TMCC1: variants seen among roughly 807,000 people sequenced by gnomAD.
The protein encoded by TMCC1 is transmembrane and coiled-coil domain family 1, also known as transmembrane and coiled-coil domains protein 1.
Under a neutral mutation model 52.4 loss-of-function variants are expected in TMCC1, and 15 were observed. The observed-to-expected ratio is 0.29, with a 90% confidence interval of 0.19 to 0.44. The LOEUF is 0.44. TMCC1 is among the 20% of genes least tolerant of loss of function. TMCC1 has a pLI of 1.00. For missense variants in TMCC1, 503 were observed against 806.0 expected (o/e 0.62, Z 4.55); for synonymous variants, 279 against 301.9 (o/e 0.92, Z 0.79).
intron 4 of TMCC1, among the ~76,000 whole-genome samples, chr3:129,780,324 A>T (rs1342340710): frequency 6.6e-6 from 1 of 152,028 alleles, no homozygotes; most frequent in African/African-American, 2.4e-5. Flanking sequence ...TTAGATGATG[A>T]TCTCCAGGGT....
At chr3:129,804,980 C>G (rs1250706337) in intron 4 of TMCC1, among the ~76,000 whole-genome samples, 1 of 152,078 alleles carries the variant, frequency 6.6e-6, no homozygotes, top group African/African-American at 2.4e-5. Context: ...CATATAAAAT[C>G]ACCACTTTTG....
intron 4 of TMCC1, among the ~76,000 whole-genome samples, chr3:129,796,843 T>A (rs1490764672): frequency 6.6e-6 from 1 of 152,068 alleles, no homozygotes; most frequent in East Asian, 1.9e-4. Flanking sequence ...AAATAAAAAC[T>A]AAATAAAACA....
intron 4 of TMCC1, among the ~76,000 whole-genome samples, chr3:129,813,533 A>G (rs2057938602): frequency 1.3e-5 from 2 of 152,146 alleles, no homozygotes; most frequent in Admixed American, 1.3e-4. Flanking sequence ...ATCCTACACA[A>G]ACTAACACAG....
At chr3:129,720,181 C>CAAAAAAAAAAAAAAA (rs765678095) in intron 4 of TMCC1, among the ~76,000 whole-genome samples, 1 of 58,710 alleles carries the variant, frequency 1.7e-5, no homozygotes, top group African/African-American at 6.1e-5. Flanking sequence ...GACCCTGTCT[C>CAAAAAAAAAAAAAAA]AAAAAAAAAA....
intron 2 of TMCC1, among the ~76,000 whole-genome samples, chr3:129,836,047 A>G (rs1560516397): frequency 6.6e-6 from 1 of 152,332 alleles, no homozygotes; most frequent in East Asian, 1.9e-4. Context: ...AAAAAGTCAT[A>G]CTAACAAACT....
intron 1 of TMCC1, among the ~76,000 whole-genome samples, chr3:129,880,873 T>C (rs908503461): frequency 3.3e-5 from 5 of 151,656 alleles, no homozygotes; most frequent in Admixed American, 6.6e-5. Context: ...TCTTTTTTTT[T>C]TTTTTTTGAG....
intron 1 of TMCC1, among the ~76,000 whole-genome samples, chr3:129,884,049 C>T (rs138900837): frequency 6.6e-6 from 1 of 152,064 alleles, no homozygotes; most frequent in East Asian, 1.9e-4. Flanking sequence ...ATTACATATC[C>T]TGTGAAAACA....
chr3:129,830,028 T>C (rs1229875883), intron 3 of TMCC1, among the ~76,000 whole-genome samples: 1 of 152,230 alleles, frequency 6.6e-6, no homozygotes, highest in Non-Finnish European at 1.5e-5. Flanking sequence ...CTCTAGTACC[T>C]TCCTACTTTC....
chr3:129,772,151 G>A (rs1021893911), intron 4 of TMCC1, among the ~76,000 whole-genome samples: 1 of 152,080 alleles, frequency 6.6e-6, no homozygotes, highest in African/African-American at 2.4e-5. Flanking sequence ...TTAAGCCCAG[G>A]AGTTTGAGAT....
chr3:129,829,198 A>G (rs945415548), intron 3 of TMCC1, among the ~76,000 whole-genome samples: 4 of 152,206 alleles, frequency 2.6e-5, no homozygotes, highest in African/African-American at 9.6e-5. Flanking sequence ...ATCAGAGACT[A>G]GAGCTTTGCT....
intron 2 of TMCC1, among the ~76,000 whole-genome samples, chr3:129,880,045 T>C (rs1276045746): frequency 6.6e-6 from 1 of 152,020 alleles, no homozygotes; most frequent in Non-Finnish European, 1.5e-5. Context: ...AAGAAAAAAA[T>C]TCAAGCTGCT....
intron 4 of TMCC1, among the ~76,000 whole-genome samples, chr3:129,693,545 C>T (rs2047178632): frequency 1.6e-5 from 2 of 123,588 alleles, no homozygotes; most frequent in South Asian, 5.2e-4. Flanking sequence ...CTCTCTGTGT[C>T]ATCTAGGCTG....
At chr3:129,657,255 A>C (rs1238406644) in intron 5 of TMCC1, among the ~76,000 whole-genome samples, 2 of 152,126 alleles carry the variant, frequency 1.3e-5, no homozygotes, top group African/African-American at 4.8e-5. Flanking sequence ...TTAGCCTACA[A>C]ATTTCAGGCT....
chr3:129,785,491 A>G (rs893579076), intron 4 of TMCC1, among the ~76,000 whole-genome samples: 1 of 152,078 alleles, frequency 6.6e-6, no homozygotes, highest in Non-Finnish European at 1.5e-5. Flanking sequence ...TCAGATTCCA[A>G]TGGTGCCCAA....
chr3:129,738,655 T>C (rs1219353174), intron 4 of TMCC1, among the ~76,000 whole-genome samples: 1 of 152,222 alleles, frequency 6.6e-6, no homozygotes, highest in African/African-American at 2.4e-5. Context: ...TGAACACTTT[T>C]GAGTTTTCTA....
At chr3:129,730,463 A>C (rs1156539524) in intron 4 of TMCC1, among the ~76,000 whole-genome samples, 1 of 152,212 alleles carries the variant, frequency 6.6e-6, no homozygotes, top group Non-Finnish European at 1.5e-5. Flanking sequence ...TGAACTGGCA[A>C]TATTTACGTG....
chr3:129,723,027 G>T (rs1215800236), intron 4 of TMCC1, among the ~76,000 whole-genome samples: 2 of 152,062 alleles, frequency 1.3e-5, no homozygotes, highest in Non-Finnish European at 2.9e-5. Flanking sequence ...AAACTATAAA[G>T]AATCTCCTTT....
At chr3:129,654,325 G>A (rs570940332) in intron 6 of TMCC1, among the ~76,000 whole-genome samples, 15 of 152,314 alleles carry the variant, frequency 9.8e-5, no homozygotes, top group African/African-American at 3.4e-4. Flanking sequence ...GATGGCATCT[G>A]GGTAAATGAT....
chr3:129,877,980 CAG>C (rs1376882582), intron 2 of TMCC1, among the ~76,000 whole-genome samples: 2 of 142,716 alleles, frequency 1.4e-5, no homozygotes, highest in African/African-American at 2.6e-5. Flanking sequence ...TTTTTTGAGA[CAG>C]AGTTTCGCTC....
Sources: allele counts gnomAD v4.1 joint callset (sites outside exome capture counted in the v4.1 genomes callset), GRCh38; gene constraint gnomAD v4.1.1; transcripts MANE v1.5; gene names NCBI Gene and HGNC (gene_info 2026-07-23, HGNC 2026-07-21).